PCDH11Y: variants seen among roughly 807,000 people sequenced by gnomAD.
PCDH11Y encodes protocadherin 11 Y-linked.
For missense variants in PCDH11Y, 12 were observed against 224.8 expected (o/e 0.05, Z 6.05); for synonymous variants, 9 against 83.6 (o/e 0.11, Z 4.87).
intron 2 of PCDH11Y, among the ~76,000 whole-genome samples, chrY:5,459,907 C>T: frequency 3.1e-5 from 1 of 32,274 alleles, no homozygotes; most frequent in Non-Finnish European, 7.7e-5. Context: ...CCTTAATAAA[C>T]TCATTCATTA....
downstream of PCDH11Y, among the ~76,000 whole-genome samples, chrY:5,106,400 T>C: frequency 6.8e-5 from 2 of 29,454 alleles, no homozygotes; most frequent in African/African-American, 2.7e-4. Context: ...GTTTATGCTC[T>C]GTTCAGTATT....
chrY:5,012,985 G>T (rs2052554922), intron 1 of PCDH11Y, among the ~76,000 whole-genome samples: 1 of 29,885 alleles, frequency 3.3e-5, no homozygotes, highest in Non-Finnish European at 8.0e-5. Context: ...GAGTAGCTGG[G>T]ACTACAGGCG....
intron 4 of PCDH11Y, among the ~76,000 whole-genome samples, chrY:5,713,026 C>G: frequency 5.9e-5 from 1 of 17,088 alleles, no homozygotes; most frequent in Non-Finnish European, 1.3e-4. Context: ...ATTTTGTGCT[C>G]TCTTTTAAAC....
chrY:5,387,960 A>T (rs2053217848), intron 2 of PCDH11Y, among the ~76,000 whole-genome samples: 31 of 28,051 alleles, frequency 1.1e-3, no homozygotes, highest in Non-Finnish European at 8.4e-5. Flanking sequence ...GAAAGCCGGC[A>T]GTTACAGACC....
chrY:5,103,232 T>C, downstream of PCDH11Y, among the ~76,000 whole-genome samples: 2 of 31,464 alleles, frequency 6.4e-5, no homozygotes, highest in Admixed American at 6.0e-4. Flanking sequence ...TACAAATTCA[T>C]TGTTCCTTAA....
chrY:5,361,559 CTT>C (rs1470185920), intron 2 of PCDH11Y, among the ~76,000 whole-genome samples: 1 of 23,393 alleles, frequency 4.3e-5, no homozygotes, highest in African/African-American at 1.6e-4. Flanking sequence ...TTTCTTTTTT[CTT>C]TTTTTTTTTT....
chrY:5,129,498 G>GAGAGAGAA (rs2052831192), intron 2 of PCDH11Y, among the ~76,000 whole-genome samples: 1 of 27,730 alleles, frequency 3.6e-5, no homozygotes, highest in Non-Finnish European at 8.4e-5. Context: ...GAGAGAGAGA[G>GAGAGAGAA]AGAGAGAGAG....
At chrY:5,197,284 G>C in intron 2 of PCDH11Y, among the ~76,000 whole-genome samples, 3 of 32,110 alleles carry the variant, frequency 9.3e-5, no homozygotes, top group African/African-American at 3.7e-4. Context: ...AGATCAGATG[G>C]TTGTAGATAT....
chrY:5,132,465 G>A (rs1602873358), intron 2 of PCDH11Y, among the ~76,000 whole-genome samples: 1 of 31,377 alleles, frequency 3.2e-5, no homozygotes, highest in East Asian at 8.3e-4. Context: ...TCACATATGC[G>A]GTGAAATGTT....
intron 3 of PCDH11Y, among the ~76,000 whole-genome samples, chrY:5,046,384 G>A: frequency 3.0e-5 from 1 of 33,422 alleles, no homozygotes; most frequent in Non-Finnish European, 7.4e-5. Flanking sequence ...TGAGGTGTCA[G>A]TGTGCCCCTG....
At chrY:5,475,506 AT>A (rs2053317846) in intron 2 of PCDH11Y, among the ~76,000 whole-genome samples, 2 of 28,476 alleles carry the variant, frequency 7.0e-5, no homozygotes, top group Non-Finnish European at 1.7e-4. Context: ...CTGTCTTTGC[AT>A]TTTCTTCTCA....
chrY:5,148,199 G>A, intron 2 of PCDH11Y, among the ~76,000 whole-genome samples: 1 of 32,922 alleles, frequency 3.0e-5, no homozygotes, highest in Non-Finnish European at 7.5e-5. Flanking sequence ...TTCGTTTTTT[G>A]TGGGACTTTA....
intron 4 of PCDH11Y, among the ~76,000 whole-genome samples, chrY:5,619,152 A>G (rs2053497428): frequency 6.1e-5 from 2 of 32,625 alleles, no homozygotes; most frequent in African/African-American, 2.4e-4. Context: ...TACTGTAAAT[A>G]TGTATTTTTT....
chrY:5,500,362 G>A (rs2124687919), intron 2 of PCDH11Y, among the ~76,000 whole-genome samples: 1 of 31,400 alleles, frequency 3.2e-5, no homozygotes, highest in South Asian at 7.3e-4. Context: ...TTCTTCTTTC[G>A]GAAACCAAAT....
intron 4 of PCDH11Y, among the ~76,000 whole-genome samples, chrY:5,624,326 T>C (rs2053504123): frequency 3.1e-5 from 1 of 32,043 alleles, no homozygotes; most frequent in Non-Finnish European, 7.6e-5. Context: ...TTTTCTTTTT[T>C]CTTTTTTCTT....
intron 1 of PCDH11Y, among the ~76,000 whole-genome samples, chrY:5,068,626 G>A: frequency 3.3e-5 from 1 of 29,942 alleles, no homozygotes; most frequent in Admixed American, 3.2e-4. Context: ...GGAGTGTAGT[G>A]GCTTTGCACA....
chrY:5,215,206 A>T, intron 2 of PCDH11Y, among the ~76,000 whole-genome samples: 2 of 31,762 alleles, frequency 6.3e-5, no homozygotes, highest in Admixed American at 5.9e-4. Context: ...CTGCCTCATT[A>T]TTTCCAGGGA....
intron 4 of PCDH11Y, among the ~76,000 whole-genome samples, chrY:5,648,588 A>G: frequency 3.3e-5 from 1 of 29,863 alleles, no homozygotes; most frequent in Non-Finnish European, 8.0e-5. Context: ...TGTATGTATT[A>G]TTTAGTGCCA....
At chrY:5,296,808 A>G (rs2053075224) in intron 2 of PCDH11Y, among the ~76,000 whole-genome samples, 1 of 31,381 alleles carries the variant, frequency 3.2e-5, no homozygotes, top group Non-Finnish European at 7.7e-5. Flanking sequence ...ATGCTGTCCA[A>G]GAGCCTAGGC....
Sources: allele counts gnomAD v4.1 joint callset (sites outside exome capture counted in the v4.1 genomes callset), GRCh38; gene constraint gnomAD v4.1.1; transcripts MANE v1.5; gene names NCBI Gene and HGNC (gene_info 2026-07-23, HGNC 2026-07-21).